Variants in NEMP2 observed in about 807,000 individuals in gnomAD.
NEMP2 encodes UPF0571 transmembrane protein.
A neutral mutation model predicts 54.2 loss-of-function variants in NEMP2; 53 were observed. The ratio of observed to expected loss-of-function variants is 0.98; its 90% CI spans 0.78 to 1.23. The LOEUF (loss-of-function observed/expected upper bound fraction) is 1.23, where lower values mean the gene tolerates loss of function less well. NEMP2 is among the 50% of genes most tolerant of loss of function. The probability of loss-of-function intolerance (pLI) is 0.00; values close to 1 mark genes in which losing one functional copy is unlikely to be tolerated. For missense variants in NEMP2, 455 were observed against 511.3 expected, an observed-to-expected ratio of 0.89 and a Z score of 1.06; for synonymous variants, 197 against 190.3, an observed-to-expected ratio of 1.04 and a Z score of -0.29.
At chr2:190,629,186 G>A in the NEMP2 span, among the ~76,000 whole-genome samples, 2 of 152,118 alleles carry the variant, frequency 1.3e-5, no homozygotes, top group Admixed American at 6.5e-5. Context: ...CTGAAGTTTT[G>A]GAAGCCATCA....
chr2:190,427,902 T>G, the NEMP2 span, among the ~76,000 whole-genome samples: 1 of 152,188 alleles, frequency 6.6e-6, no homozygotes, highest in Non-Finnish European at 1.5e-5. Flanking sequence ...CAGCTAATTT[T>G]TGTATTTTTA....
chr2:190,446,732 G>C, the NEMP2 span, among the ~76,000 whole-genome samples: 2 of 152,208 alleles, frequency 1.3e-5, no homozygotes, highest in African/African-American at 4.8e-5. Context: ...TTCTGGGTCT[G>C]CTCAACCCAA....
the NEMP2 span, among the ~76,000 whole-genome samples, chr2:190,566,040 G>T: frequency 6.7e-6 from 1 of 150,280 alleles, no homozygotes; most frequent in Non-Finnish European, 1.5e-5. Flanking sequence ...ATGACCCTGG[G>T]CAAGGCAGCT....
At chr2:190,594,062 GCTTA>G in the NEMP2 span, among the ~76,000 whole-genome samples, 3 of 152,190 alleles carry the variant, frequency 2.0e-5, no homozygotes, top group Admixed American at 6.5e-5. This position sits in a 1 kb window ranked among gnomAD's most constrained non-coding sequence, Gnocchi z 5.6. Flanking sequence ...TATTGGCTCT[GCTTA>G]CTTCTCTTCC....
At chr2:190,453,289 G>A in the NEMP2 span, among the ~76,000 whole-genome samples, 3 of 152,086 alleles carry the variant, frequency 2.0e-5, no homozygotes, top group African/African-American at 7.2e-5. Context: ...AGAGGTGTGG[G>A]CTCTGGGTAG....
At chr2:190,429,745 G>A in the NEMP2 span, among the ~76,000 whole-genome samples, 1 of 151,738 alleles carries the variant, frequency 6.6e-6, no homozygotes, top group Admixed American at 6.6e-5. Flanking sequence ...TCTTCTAAAA[G>A]CTATGTTATT....
In NEMP2 at chr2:190,510,456, A is replaced by G; in HGVS notation, c.1035T>C (p.Ala345=). 1 of 1,551,826 alleles carries G rather than the reference A, an allele frequency of 6.4e-7. No homozygotes were observed. Residue 345 remains alanine (A), a synonymous_variant, in exon 8 of 9, where the codon GCT becomes GCC. Transcript: ENST00000409150. The surrounding 1 kb of genome is among the most constrained non-coding windows in gnomAD (Gnocchi z 5.7). ...TEDEYREQAD[A]ETNSALEELR... ...GCTCCTCCAGAGCACTGTTCGTTTC[A>G]GCATCAGCTTGCTCCCTGTACTCGT...
chr2:190,579,638 G>A, the NEMP2 span, among the ~76,000 whole-genome samples: 1 of 152,136 alleles, frequency 6.6e-6, no homozygotes, highest in East Asian at 1.9e-4. Context: ...CACCTTTATT[G>A]GGCAACCAAG....
the NEMP2 span, among the ~76,000 whole-genome samples, chr2:190,459,932 T>C: frequency 0.011 from 1,666 of 152,360 alleles, 34 homozygotes; most frequent in African/African-American, 0.037. The surrounding 1 kb of genome is among the most constrained non-coding windows in gnomAD (Gnocchi z 5.3). Context: ...GTGATTCTTA[T>C]GCTCTGTTCT....
the NEMP2 span, among the ~76,000 whole-genome samples, chr2:190,540,027 C>T: frequency 1.2e-3 from 176 of 152,252 alleles, no homozygotes; most frequent in African/African-American, 3.7e-3. Flanking sequence ...TTCAATTTCT[C>T]CTTATTCAGT....
chr2:190,567,503 G>C, the NEMP2 span, among the ~76,000 whole-genome samples: 8 of 151,910 alleles, frequency 5.3e-5, no homozygotes, highest in Admixed American at 4.6e-4. The surrounding 1 kb of genome is among the most constrained non-coding windows in gnomAD (Gnocchi z 4.0). Context: ...AATAATGAGA[G>C]AATCCCAAAA....
upstream of NEMP2, chr2:190,535,996 TTGAATGA>T (rs1287705787): frequency 2.0e-5 from 3 of 152,214 alleles, no homozygotes; most frequent in Non-Finnish European, 4.4e-5. Flanking sequence ...AGGTGGGTTG[TTGAATGA>T]TGAATGTATT....
chr2:190,465,051 A>T, the NEMP2 span: 2 of 385,802 alleles, frequency 5.2e-6, no homozygotes. This position sits in a 1 kb window ranked among gnomAD's most constrained non-coding sequence, Gnocchi z 4.6. Context: ...TGAAAAAAAT[A>T]CCAGTTTTAT....
the NEMP2 span, among the ~76,000 whole-genome samples, chr2:190,421,817 G>A: frequency 2.0e-5 from 3 of 152,122 alleles, no homozygotes; most frequent in Non-Finnish European, 4.4e-5. Flanking sequence ...TCCCAAAATA[G>A]TAGGATTATC....
chr2:190,456,782 A>G, the NEMP2 span, among the ~76,000 whole-genome samples: 1 of 152,198 alleles, frequency 6.6e-6, no homozygotes, highest in Non-Finnish European at 1.5e-5. The surrounding 1 kb of genome is among the most constrained non-coding windows in gnomAD (Gnocchi z 5.4). Context: ...CTCAGCATCG[A>G]TACCTGCAGT....
chr2:190,583,917 G>C, the NEMP2 span, among the ~76,000 whole-genome samples: 15 of 152,244 alleles, frequency 9.9e-5, no homozygotes, highest in Non-Finnish European at 2.2e-4. Flanking sequence ...TGTGCTTGGA[G>C]TTATGGATAT....
chr2:190,586,554 A>G, the NEMP2 span, among the ~76,000 whole-genome samples: 1 of 152,144 alleles, frequency 6.6e-6, no homozygotes, highest in Non-Finnish European at 1.5e-5. The surrounding 1 kb of genome is among the most constrained non-coding windows in gnomAD (Gnocchi z 4.5). Flanking sequence ...AAATACATCA[A>G]GTATTTCTAA....
chr2:190,501,301 A>G (rs936916139), downstream of NEMP2: 1 of 152,338 alleles, frequency 6.6e-6, no homozygotes, highest in Non-Finnish European at 1.5e-5. Flanking sequence ...AGTAGCAACT[A>G]TACTTTCCAA....
In NEMP2 at chr2:190,510,649, G is replaced by A. The variant is rs6712426; in HGVS notation, c.954-112C>T. On this transcript the variant is annotated intron_variant, in intron 7 of 8. Transcript: ENST00000409150. The surrounding 1 kb of genome is among the most constrained non-coding windows in gnomAD (Gnocchi z 5.7). ...TGTAATCCAGCATTTTGGGAGGCCTGGGGAGGCGGATCACGAGGTCAGGAG... is the reference window on the plus strand; with the variant it reads ...TGTAATCCAGCATTTTGGGAGGCCTAGGGAGGCGGATCACGAGGTCAGGAG... 811,153 of 1,079,134 alleles carry A rather than the reference G, an allele frequency of 0.75. 307,717 individuals carry two copies. Among genetic ancestry groups the A allele is most frequent in the Admixed American group, 0.83 (39,385 of 47,576 alleles). The allele number at this position is 1,079,134 out of a possible 1,614,324, so 66.8% of individuals were successfully genotyped here.
Sources: allele counts gnomAD v4.1 joint callset (sites outside exome capture counted in the v4.1 genomes callset), GRCh38; gene constraint gnomAD v4.1.1; non-coding constraint Gnocchi (gnomAD v3.1); transcripts MANE v1.5; gene names NCBI Gene and HGNC (gene_info 2026-07-23, HGNC 2026-07-21).